The following LMBR1 variants were observed in gnomAD, a reference collection of about 807,000 sequenced individuals.
LMBR1 encodes limb region 1 protein homolog.
Under a neutral mutation model 73.9 loss-of-function variants are expected in LMBR1, and 52 were observed. The ratio of observed to expected loss-of-function variants is 0.70; its 90% CI spans 0.56 to 0.89. LMBR1 has a LOEUF of 0.89. Ranked by LOEUF, LMBR1 falls within the 40% of genes least tolerant of loss-of-function variation. The pLI, the probability that LMBR1 is intolerant of heterozygous loss-of-function variation, is 0.00. For synonymous variants in LMBR1, 215 were observed against 209.4 expected (o/e 1.03, Z -0.23); for missense variants, 539 against 579.8 (o/e 0.93, Z 0.72).
intron 5 of LMBR1, among the ~76,000 whole-genome samples, chr7:156,765,768 T>C (rs906579895): frequency 1.3e-5 from 2 of 152,146 alleles, no homozygotes; most frequent in Admixed American, 1.3e-4. Context: ...TTTCCCTGCC[T>C]CCAACCAGCC....
At chr7:156,792,663 T>C (rs1163645039) in intron 5 of LMBR1, among the ~76,000 whole-genome samples, 1 of 152,236 alleles carries the variant, frequency 6.6e-6, no homozygotes, top group Non-Finnish European at 1.5e-5. Flanking sequence ...CCAGGCCTAA[T>C]ATGTCCTGTT....
intron 13 of LMBR1, 80 bp from the exon 14 acceptor site, chr7:156,725,605 C>A: frequency 8.0e-7 from 1 of 1,252,486 alleles, no homozygotes; most frequent in Non-Finnish European, 1.1e-6. Context: ...AGTCTTAAGG[C>A]CCATAGGAAA....
intron 15 of LMBR1, among the ~76,000 whole-genome samples, chr7:156,710,535 T>C (rs1811858350): frequency 6.6e-6 from 1 of 152,206 alleles, no homozygotes; most frequent in Admixed American, 6.5e-5. Flanking sequence ...TTATGCTAAA[T>C]GGTCAAAACT....
intron 8 of LMBR1, among the ~76,000 whole-genome samples, chr7:156,760,315 T>C (rs143739479): frequency 3.3e-3 from 505 of 152,286 alleles, no homozygotes; most frequent in Non-Finnish European, 5.7e-3. Flanking sequence ...GGGAGCTAAG[T>C]AAGTAGTTTC....
At chr7:156,878,816 C>T (rs183297731) in intron 1 of LMBR1, among the ~76,000 whole-genome samples, 153 of 152,202 alleles carry the variant, frequency 1.0e-3, no homozygotes, top group African/African-American at 3.6e-3. Context: ...ACTATAAGGC[C>T]GTAGTCTCCG....
chr7:156,751,211 T>C (rs1820815244), intron 9 of LMBR1, among the ~76,000 whole-genome samples: 2 of 151,960 alleles, frequency 1.3e-5, no homozygotes, highest in Admixed American at 1.3e-4. Context: ...TAAAAAATGC[T>C]ATAGAAAAAA....
chr7:156,725,854 A>C lies in LMBR1; in HGVS notation c.994-17T>G. 6.2e-7 allele frequency: 1 copy of C among 1,602,422 alleles called. No individual in the cohort carries two copies. The highest frequency in any genetic ancestry group is 8.5e-7 in the Non-Finnish European group (1 of 1,173,164). On this transcript the variant is annotated splice_polypyrimidine_tract_variant and intron_variant, in intron 12 of 16. Coordinates refer to ENST00000353442, the MANE Select transcript of LMBR1 (RefSeq NM_022458.4). The stretch of plus-strand genomic sequence containing the variant: ...TCCAGGCCCCTGGGGTGGGAGAAAG[A>C]CACTTTTCAGAATTTGATGACACCA...
At chr7:156,778,974 G>A (rs569999242) in intron 5 of LMBR1, among the ~76,000 whole-genome samples, 1 of 152,268 alleles carries the variant, frequency 6.6e-6, no homozygotes, top group South Asian at 2.1e-4. Flanking sequence ...GCTAAAAGAT[G>A]TACCAGATGT....
At chr7:156,796,315 C>T (rs1830051496) in intron 5 of LMBR1, 74 bp downstream of exon 5, 2 of 950,688 alleles carry the variant, frequency 2.1e-6, no homozygotes, top group East Asian at 2.8e-5. Context: ...TTTAAGTCTG[C>T]TTTTTCTAGT....
chr7:156,825,024 C>G (rs1835428606), intron 4 of LMBR1, among the ~76,000 whole-genome samples: 1 of 152,132 alleles, frequency 6.6e-6, no homozygotes, highest in South Asian at 2.1e-4. Context: ...ATTTCTTTCC[C>G]TGGATTTGAG....
intron 16 of LMBR1, among the ~76,000 whole-genome samples, chr7:156,687,225 T>C (rs941128111): frequency 7.2e-5 from 11 of 152,216 alleles, no homozygotes; most frequent in Admixed American, 3.3e-4. Flanking sequence ...TGGAGTCATA[T>C]GCATTCAAAT....
In LMBR1 at chr7:156,734,401, A is replaced by C. The variant is rs1330605901; in HGVS notation, c.758-144T>G. On this transcript the variant is annotated intron_variant, in intron 9 of 16. Coordinates refer to ENST00000353442, the MANE Select transcript of LMBR1 (RefSeq NM_022458.4). ...GAAATGTTGCTGTGATTCAGAGGAA[A>C]GCACATCCATATATTTACCAATTAA... is the stretch of plus-strand genomic sequence containing the variant. 3.3e-5 allele frequency: 18 copies of C among 541,292 alleles called. No homozygotes were observed. In the Admixed American group the frequency reaches 6.5e-4, roughly 20 times the overall value. The allele number at this position is 541,292 out of a possible 1,614,324, so 33.5% of individuals were successfully genotyped here.
intron 1 of LMBR1, among the ~76,000 whole-genome samples, chr7:156,855,404 A>C (rs1046105590): frequency 5.3e-5 from 8 of 152,178 alleles, no homozygotes; most frequent in African/African-American, 1.9e-4. Flanking sequence ...CACCATAGCA[A>C]TTAGTCAATT....
At chr7:156,870,277 C>T (rs2134302241) in intron 1 of LMBR1, among the ~76,000 whole-genome samples, 1 of 152,212 alleles carries the variant, frequency 6.6e-6, no homozygotes, top group South Asian at 2.1e-4. Context: ...CTCAAGCAAA[C>T]AGGAATACTT....
intron 3 of LMBR1, among the ~76,000 whole-genome samples, chr7:156,831,275 ATTTTT>A (rs10633275): frequency 7.8e-6 from 1 of 127,980 alleles, no homozygotes. Context: ...CCTACCCTAG[ATTTTT>A]TTTTTTTTTT....
At chr7:156,840,755 C>T (rs188942809) in intron 1 of LMBR1, among the ~76,000 whole-genome samples, 4 of 150,874 alleles carry the variant, frequency 2.7e-5, no homozygotes, top group African/African-American at 4.9e-5. Flanking sequence ...GTCAGGAGAT[C>T]GAGACCATCC....
chr7:156,854,746 C>T (rs1370921110), intron 1 of LMBR1, among the ~76,000 whole-genome samples: 3 of 152,180 alleles, frequency 2.0e-5, no homozygotes, highest in African/African-American at 7.2e-5. Flanking sequence ...GACCTAATCA[C>T]AAGACTACAA....
intron 15 of LMBR1, among the ~76,000 whole-genome samples, chr7:156,689,901 C>T (rs562773950): frequency 6.6e-6 from 1 of 152,266 alleles, no homozygotes; most frequent in South Asian, 2.1e-4. Context: ...GATCTTTAAA[C>T]AAGATATAGT....
intron 15 of LMBR1, among the ~76,000 whole-genome samples, chr7:156,716,069 T>A (rs1216403796): frequency 2.0e-5 from 3 of 152,134 alleles, no homozygotes; most frequent in Non-Finnish European, 4.4e-5. Flanking sequence ...ATTAACTAGA[T>A]GCTGTGAAAA....
Sources: allele counts gnomAD v4.1 joint callset (sites outside exome capture counted in the v4.1 genomes callset), GRCh38; gene constraint gnomAD v4.1.1; transcripts MANE v1.5; gene names NCBI Gene and HGNC (gene_info 2026-07-23, HGNC 2026-07-21).